POMT2: variants seen among roughly 807,000 people sequenced by gnomAD.
The protein encoded by POMT2 is protein O-mannosyl-transferase 2.
POMT2 carries 75 observed loss-of-function variants against 100.0 expected under a neutral mutation model. The observed-to-expected ratio is 0.75, with a 90% confidence interval of 0.62 to 0.91. POMT2 has a LOEUF of 0.91. POMT2 is among the 40% of genes least tolerant of loss of function. The probability of loss-of-function intolerance (pLI) is 0.00; values close to 1 mark genes in which losing one functional copy is unlikely to be tolerated. For missense variants in POMT2, 940 were observed against 955.1 expected, an observed-to-expected ratio of 0.98 and a Z score of 0.21; for synonymous variants, 378 against 374.1, an observed-to-expected ratio of 1.01 and a Z score of -0.12.
Position 77,279,895 on chromosome 14 carries a change from G to A in POMT2, c.1819C>T (p.Leu607Phe). Reference sequence around the variant, plus strand: ...ATGATGCTCCCTGAGAGGAGGTAGAGGGCGATGCTCAACAGATTCAGCCAC... The same window carrying A: ...ATGATGCTCCCTGAGAGGAGGTAGAAGGCGATGCTCAACAGATTCAGCCAC... ...VWWLNLLSIA[L>F]YLLSGSIIAV... Residue 607 changes from leucine to phenylalanine, a missense_variant, in exon 18 of 21, where the codon CTC (leucine) becomes TTC (phenylalanine). By Grantham distance (22) the Leu-to-Phe change is conservative (BLOSUM62 0). Coordinates refer to ENST00000261534, the MANE Select transcript of POMT2 (RefSeq NM_013382.7). The A allele has an allele frequency of 6.2e-7, 1 of 1,614,098 alleles. No individual in the cohort carries two copies. Among genetic ancestry groups the A allele is most frequent in the South Asian group, 1.1e-5 (1 of 91,074 alleles).
intron 9 of POMT2, 31 bp from the exon 10 acceptor site, chr14:77,291,411 GAAGCA>G: frequency 3.0e-6 from 3 of 1,014,858 alleles, no homozygotes; most frequent in Non-Finnish European, 4.5e-6. Flanking sequence ...GAGGGAAGAG[GAAGCA>G]GGAGGGAGAA....
intron 2 of POMT2, among the ~76,000 whole-genome samples, chr14:77,309,628 A>G (rs1458228522): frequency 1.3e-5 from 2 of 152,162 alleles, no homozygotes; most frequent in Non-Finnish European, 2.9e-5. Flanking sequence ...TTCTCCCTTC[A>G]CACGGGCAAC....
chr14:77,278,531 G>C (rs146965155), intron 19 of POMT2, 23 bp from the exon 20 acceptor site: 5 of 1,457,110 alleles, frequency 3.4e-6, no homozygotes, highest in Non-Finnish European at 4.7e-6. Flanking sequence ...AGAGAAACCT[G>C]GAGTCAGCCA....
Position 77,276,652 on chromosome 14 carries a change from G to A in POMT2, c.*724C>T, listed in dbSNP as rs1250421826. 1 of 152,750 alleles carries A rather than the reference G, an allele frequency of 6.5e-6. No individual in the cohort carries two copies. Among genetic ancestry groups the A allele is most frequent in the African/African-American group, 2.4e-5 (1 of 41,466 alleles). The allele number at this position is 152,750 out of a possible 1,614,324, so 9.5% of individuals were successfully genotyped here. On this transcript the variant is annotated 3_prime_UTR_variant, in exon 21 of 21. Coordinates refer to ENST00000261534, the MANE Select transcript of POMT2 (RefSeq NM_013382.7). ...CAGTGTGACAATCCCAAAAAACGAG[G>A]AACCAAGGGCTAAGGCAGGCTGACG...
chr14:77,299,534 G>C lies in POMT2; in HGVS notation c.844C>G (p.Arg282Gly). ...GGCAGCACTATGAGGCACAGGACACGAGCAGTCAGGTGTTTTCCCACAGTC... is the reference window on the plus strand; with the variant it reads ...GGCAGCACTATGAGGCACAGGACACCAGCAGTCAGGTGTTTTCCCACAGTC... ...LVTVGKHLTARVLCLIVLPLA... is the reference protein window; with the variant it reads ...LVTVGKHLTAGVLCLIVLPLA... The change falls in exon 7 of 21, where the codon CGT becomes GGT. Residue 282 changes from arginine (R) to glycine (G), a missense_variant. By Grantham distance (125) the Arg-to-Gly change is moderately radical (BLOSUM62 -2). Transcript: ENST00000261534. 6 of 1,614,130 alleles carry C rather than the reference G, an allele frequency of 3.7e-6. No homozygotes were observed. The highest frequency in any genetic ancestry group is 5.1e-6 in the Non-Finnish European group (6 of 1,179,986).
In POMT2 at chr14:77,277,272, C is replaced by T. The variant is rs1035730401; in HGVS notation, c.*104G>A. 82 of 974,506 alleles carry T rather than the reference C, an allele frequency of 8.4e-5. No individual in the cohort carries two copies. The African/African-American group carries it at 9.5e-4, about 11-fold the overall frequency. The allele number at this position is 974,506 out of a possible 1,614,324, so 60.4% of individuals were successfully genotyped here. A position where few individuals can be genotyped will look rare whatever the true frequency, so the allele number is the denominator to read the frequency against. On this transcript the variant is annotated 3_prime_UTR_variant, in exon 21 of 21. Transcript: ENST00000261534. ...GGTCCTGGTGAGCAGCAGAATTCTT[C>T]GGGCTCCTTAGGCAGCTTCCTCATG...
At position 77,283,777 on chromosome 14, in the gene POMT2, A is replaced by G; in HGVS notation, c.1653+20T>C. 1 of 1,581,838 alleles carries G rather than the reference A, an allele frequency of 6.3e-7. No homozygotes were observed. Among genetic ancestry groups the G allele is most frequent in the Non-Finnish European group, 8.7e-7 (1 of 1,150,652 alleles). On this transcript the variant is annotated intron_variant, in intron 15 of 20. Transcript: ENST00000261534. The stretch of plus-strand genomic sequence containing the variant: ...CCAAAAGCTCTTAGAGACGCCATGA[A>G]ATGAGAAGGGGACACATACCCGGAT...
At chr14:77,285,423 G>A (rs779670533) in intron 13 of POMT2, 58 bp downstream of exon 13, 47 of 1,605,026 alleles carry the variant, frequency 2.9e-5, no homozygotes, top group Non-Finnish European at 3.8e-5. Flanking sequence ...CATACTCCTT[G>A]TAGAGTGAAA....
At position 77,280,069 on chromosome 14, in the gene POMT2, G is replaced by A. The variant is rs765322406; in HGVS notation, c.1737C>T (p.Phe579=). ...GGAAATCTGTGTCATTGACCCCTGAGAAGCGTAGGCCCTGTGGAATAGAGA... is the reference window on the plus strand; with the variant it reads ...GGAAATCTGTGTCATTGACCCCTGAAAAGCGTAGGCCCTGTGGAATAGAGA... ...HWPINYQGLR[F]SGVNDTDFRV... is the part of the protein sequence containing the mutation. The change falls in exon 17 of 21, where the codon TTC becomes TTT. Residue 579 remains phenylalanine (F), a synonymous_variant. Coordinates refer to ENST00000261534, the MANE Select transcript of POMT2 (RefSeq NM_013382.7). 1.2e-6 allele frequency: 2 copies of A among 1,613,912 alleles called. No homozygotes were observed. Among genetic ancestry groups the A allele is most frequent in the South Asian group, 1.1e-5 (1 of 91,082 alleles).
intron 2 of POMT2, among the ~76,000 whole-genome samples, chr14:77,310,404 T>C (rs768832094): frequency 5.1e-4 from 78 of 152,230 alleles, no homozygotes; most frequent in Non-Finnish European, 1.0e-3. Context: ...CATGAGATAA[T>C]GCCTCTAAGG....
chr14:77,312,831 G>A (rs764773979), intron 1 of POMT2, among the ~76,000 whole-genome samples: 5 of 152,174 alleles, frequency 3.3e-5, no homozygotes, highest in Admixed American at 6.5e-5. Flanking sequence ...TGTCACAGGA[G>A]TCTCATTTTG....
Position 77,288,824 on chromosome 14 carries a change from T to A in POMT2, c.1191A>T (p.Leu397=). 6.2e-7 allele frequency: 1 copy of A among 1,613,848 alleles called. No homozygotes were observed. Among genetic ancestry groups the A allele is most frequent in the African/African-American group, 1.3e-5 (1 of 75,004 alleles). Residue 397 remains leucine, a synonymous_variant, in exon 11 of 21, where the codon CTA becomes CTT. Coordinates refer to ENST00000261534, the MANE Select transcript of POMT2 (RefSeq NM_013382.7). ...IKKHNTNSDP[L]DPSFPVEFVR... ...CAAACTCCACTGGGAAGGAAGGGTC[T>A]AGGGGATCTGCCAAAAAGAAACAAG...
chr14:77,289,247 C>T (rs1451852468), intron 10 of POMT2, among the ~76,000 whole-genome samples: 1 of 151,890 alleles, frequency 6.6e-6, no homozygotes, highest in Non-Finnish European at 1.5e-5. Context: ...AAATAATAGC[C>T]GGGCGTGGTG....
chr14:77,284,028 C>A, intron 14 of POMT2, 155 bp from the exon 15 acceptor site: 1 of 714,320 alleles, frequency 1.4e-6, no homozygotes, highest in Non-Finnish European at 2.5e-6. Flanking sequence ...AATTCTTGAT[C>A]ATTTACTTAG....
intron 20 of POMT2, 60 bp downstream of exon 20, chr14:77,278,334 C>A: frequency 7.6e-7 from 1 of 1,322,496 alleles, no homozygotes; most frequent in Non-Finnish European, 1.1e-6. Context: ...TCGAATGCAT[C>A]AGGGCTGAGG....
At chr14:77,300,745 A>G in intron 6 of POMT2, 1 of 310,280 alleles carries the variant, frequency 3.2e-6, no homozygotes, top group Non-Finnish European at 6.2e-6. Context: ...ACTCGTACCC[A>G]GGAGGCGGAA....
At chr14:77,291,162 A>T in intron 10 of POMT2, 152 bp downstream of exon 10, 2 of 742,046 alleles carry the variant, frequency 2.7e-6, no homozygotes, top group Non-Finnish European at 4.6e-6. Context: ...TGCTTAATAA[A>T]TAATAATTGA....
chr14:77,287,197 T>A, intron 11 of POMT2: 2 of 309,036 alleles, frequency 6.5e-6, no homozygotes, highest in Non-Finnish European at 1.3e-5. Context: ...GTAATCTGCA[T>A]GGCCTGAGCT....
chr14:77,315,139 A>T (rs1277067770), intron 1 of POMT2, among the ~76,000 whole-genome samples: 1 of 152,016 alleles, frequency 6.6e-6, no homozygotes, highest in Non-Finnish European at 1.5e-5. Context: ...CCACCCTACC[A>T]TGTCTCATGG....
Sources: gnomAD v4.1 joint callset for allele counts (sites outside exome capture counted in the v4.1 genomes callset) on GRCh38, gnomAD v4.1.1 for gene constraint, MANE v1.5 for transcripts, NCBI Gene and HGNC (gene_info 2026-07-23, HGNC 2026-07-21) for gene names.